KCNQ1: variants seen among roughly 807,000 people sequenced by gnomAD.
KCNQ1 encodes the protein potassium voltage-gated channel subfamily KQT member 1.
KCNQ1 carries 49 observed loss-of-function variants against 72.4 expected under a neutral mutation model. The ratio of observed to expected loss-of-function variants is 0.68; its 90% CI spans 0.54 to 0.86. KCNQ1 has a LOEUF of 0.86. Among genes scored for constraint, KCNQ1 ranks in the 40% least tolerant of loss-of-function variants. KCNQ1 has a pLI of 0.00. For missense variants in KCNQ1, 790 were observed against 945.1 expected, an observed-to-expected ratio of 0.84 and a Z score of 2.15; for synonymous variants, 450 against 412.6, an observed-to-expected ratio of 1.09 and a Z score of -1.10.
chr11:2,462,488 C>T lies in KCNQ1; in HGVS notation c.386+17004C>T, dbSNP rs1029032437. 6.6e-6 allele frequency among the ~76,000 whole-genome samples: 1 copy of T among 152,212 alleles called. No homozygotes were observed. Among genetic ancestry groups the T allele is most frequent in the Non-Finnish European group, 1.5e-5 (1 of 68,040 alleles). On this transcript the variant is annotated intron_variant, in intron 1 of 15. Coordinates refer to ENST00000155840, the MANE Select transcript of KCNQ1 (RefSeq NM_000218.3). The surrounding 1 kb of genome is among the most constrained non-coding windows in gnomAD (Gnocchi z 8.2). ...CGGGAACCACCTGTGACATTGCCAC[C>T]ACCTCGCTGTAATCTGGGCAGCAGC...
At chr11:2,655,636 A>T in intron 10 of KCNQ1, 1 of 398,728 alleles carries the variant, frequency 2.5e-6, no homozygotes, top group Non-Finnish European at 4.4e-6. Flanking sequence ...CCCTGGCCTG[A>T]AAGAGGCAGC....
intron 11 of KCNQ1, among the ~76,000 whole-genome samples, chr11:2,756,945 G>A (rs1846309066): frequency 1.3e-5 from 1 of 77,962 alleles, no homozygotes; most frequent in Admixed American, 2.2e-4. Flanking sequence ...TTGATCAAGA[G>A]CATCTTAAAA....
chr11:2,460,607 G>A (rs1156435801), intron 1 of KCNQ1, among the ~76,000 whole-genome samples: 1 of 151,846 alleles, frequency 6.6e-6, no homozygotes, highest in South Asian at 2.1e-4. Flanking sequence ...TGTCAGCCCA[G>A]CTGTAAGTGG....
Position 2,734,707 on chromosome 11 carries a change from A to G in KCNQ1, c.1515-34137A>G, listed in dbSNP as rs1845925118. On this transcript the variant is annotated intron_variant, in intron 11 of 15. Transcript: ENST00000155840. The surrounding 1 kb of genome is among the most constrained non-coding windows in gnomAD (Gnocchi z 7.0). ...CAGGCACATTCAGTGCCAGCCAGGGAGGTGAGAGGTAATCCTGGAAGCTGC... is the reference window on the plus strand; with the variant it reads ...CAGGCACATTCAGTGCCAGCCAGGGGGGTGAGAGGTAATCCTGGAAGCTGC... Among the ~76,000 whole-genome samples, 1 of 151,672 alleles carries G rather than the reference A, an allele frequency of 6.6e-6. No individual in the cohort carries two copies. Among genetic ancestry groups the G allele is most frequent in the Non-Finnish European group, 1.5e-5 (1 of 67,904 alleles).
In KCNQ1 at chr11:2,620,024, C is replaced by T. The variant is rs551484149; in HGVS notation, c.1393+31170C>T. The T allele has an allele frequency of 5.0e-6, 2 of 398,118 alleles. No individual in the cohort carries two copies. Among genetic ancestry groups the T allele is most frequent in the East Asian group, 3.6e-5 (1 of 28,028 alleles). The allele number at this position is 398,118 out of a possible 1,614,324, so 24.7% of individuals were successfully genotyped here. A position where few individuals can be genotyped will look rare whatever the true frequency, so the allele number is the denominator to read the frequency against. On this transcript the variant is annotated intron_variant, in intron 10 of 15. Coordinates refer to ENST00000155840, the MANE Select transcript of KCNQ1 (RefSeq NM_000218.3). This position sits in a 1 kb window ranked among gnomAD's most constrained non-coding sequence, Gnocchi z 4.5. ...TTTCAGCCCACCTCTCCATTCCTCC[C>T]CCAAGTAGTCCCCAGTGTCTACTGA...
intron 10 of KCNQ1, chr11:2,644,028 TTC>T: frequency 5.0e-6 from 2 of 398,570 alleles, no homozygotes; most frequent in Non-Finnish European, 8.8e-6. Flanking sequence ...GGTTTTATGA[TTC>T]TCTCTTTGTC....
chr11:2,835,308 C>A (rs1304825835), intron 15 of KCNQ1, among the ~76,000 whole-genome samples: 4 of 152,122 alleles, frequency 2.6e-5, no homozygotes, highest in Non-Finnish European at 5.9e-5. Flanking sequence ...CAAGTCTCTG[C>A]CACCTCCCTG....
chr11:2,700,331 G>A (rs1189060306), intron 11 of KCNQ1, among the ~76,000 whole-genome samples: 1 of 152,130 alleles, frequency 6.6e-6, no homozygotes, highest in Admixed American at 6.5e-5. Flanking sequence ...GCATCGCCGG[G>A]GTGAGCTGGA....
chr11:2,479,150 T>C lies in KCNQ1; in HGVS notation c.386+33666T>C, dbSNP rs1289674825. Among the ~76,000 whole-genome samples the C allele has an allele frequency of 1.3e-5, 2 of 152,190 alleles. No individual in the cohort carries two copies. Among genetic ancestry groups the C allele is most frequent in the East Asian group, 3.9e-4 (2 of 5,172 alleles). On this transcript the variant is annotated intron_variant, in intron 1 of 15. Coordinates refer to ENST00000155840, the MANE Select transcript of KCNQ1 (RefSeq NM_000218.3). This position sits in a 1 kb window ranked among gnomAD's most constrained non-coding sequence, Gnocchi z 4.6. ...CTCCCTCCTGGCTGCTTTCACAGGC[T>C]GGCATTGAGTGTCTGCAGCTTTTCC... is the stretch of plus-strand genomic sequence containing the variant.
intron 2 of KCNQ1, among the ~76,000 whole-genome samples, chr11:2,528,744 T>G (rs1209037736): frequency 6.6e-6 from 1 of 152,212 alleles, no homozygotes; most frequent in Admixed American, 6.5e-5. Context: ...AGTTCTAGTA[T>G]CTACAAAGGA....
At position 2,481,888 on chromosome 11, in the gene KCNQ1, A is replaced by G. The variant is rs1302480060; in HGVS notation, c.386+36404A>G. On this transcript the variant is annotated intron_variant, in intron 1 of 15. Coordinates refer to ENST00000155840, the MANE Select transcript of KCNQ1 (RefSeq NM_000218.3). The surrounding 1 kb of genome is among the most constrained non-coding windows in gnomAD (Gnocchi z 4.6). ...TTTAATTCTATATTACAATGTAATAATAGTAGAAATAAAGTGCCCAATGCA... is the reference window on the plus strand; with the variant it reads ...TTTAATTCTATATTACAATGTAATAGTAGTAGAAATAAAGTGCCCAATGCA... Among the ~76,000 whole-genome samples the G allele has an allele frequency of 6.6e-6, 1 of 151,428 alleles. No homozygotes were observed. Among genetic ancestry groups the G allele is most frequent in the Non-Finnish European group, 1.5e-5 (1 of 68,040 alleles).
chr11:2,790,021 G>T (rs1016843248), intron 15 of KCNQ1, among the ~76,000 whole-genome samples: 6 of 152,294 alleles, frequency 3.9e-5, no homozygotes, highest in South Asian at 2.1e-4. Flanking sequence ...GTCAGCTGCA[G>T]ATTCCAGCCC....
Position 2,663,900 on chromosome 11 carries a change from T to C in KCNQ1, c.1514+1819T>C, listed in dbSNP as rs1291087463. 2.3e-5 allele frequency: 9 copies of C among 398,718 alleles called. No homozygotes were observed. In the East Asian group the frequency reaches 3.2e-4, roughly 14 times the overall value. The allele number at this position is 398,718 out of a possible 1,614,324, so 24.7% of individuals were successfully genotyped here. On this transcript the variant is annotated intron_variant, in intron 11 of 15. Transcript: ENST00000155840. The surrounding 1 kb of genome is among the most constrained non-coding windows in gnomAD (Gnocchi z 5.2). Reference sequence around the variant, plus strand: ...AAGGGTGACCCCAAGCCAGTGTGGCTGTGTCATCTAGGACACTGGGCTGTT... The same window carrying C: ...AAGGGTGACCCCAAGCCAGTGTGGCCGTGTCATCTAGGACACTGGGCTGTT...
chr11:2,571,864 GGGA>G, intron 4 of KCNQ1, 146 bp from the exon 5 acceptor site: 1 of 672,886 alleles, frequency 1.5e-6, no homozygotes, highest in Non-Finnish European at 2.7e-6. Context: ...GGCCCCTGTC[GGGA>G]TGGACATATA....
chr11:2,751,712 C>T (rs762369831), intron 11 of KCNQ1, among the ~76,000 whole-genome samples: 5 of 152,398 alleles, frequency 3.3e-5, no homozygotes, highest in African/African-American at 4.8e-5. Flanking sequence ...ATTAAAGCAT[C>T]TGCAGATGCG....
chr11:2,697,174 G>A, intron 11 of KCNQ1: 1 of 398,568 alleles, frequency 2.5e-6, no homozygotes, highest in Non-Finnish European at 4.4e-6. Flanking sequence ...GTATAGTTCT[G>A]CTTTAAACAT....
chr11:2,797,541 C>T (rs562911421), intron 15 of KCNQ1, among the ~76,000 whole-genome samples: 1 of 152,154 alleles, frequency 6.6e-6, no homozygotes, highest in Non-Finnish European at 1.5e-5. Context: ...GGCCACCTGC[C>T]CCTGCGTACC....
Position 2,848,464 on chromosome 11 carries a change from C to T in KCNQ1, c.*461C>T, listed in dbSNP as rs748563398. On this transcript the variant is annotated 3_prime_UTR_variant, in exon 16 of 16. Transcript: ENST00000155840. ...AGGCACAGGCAGGGCAGGACCAGCC[C>T]ACGCTGACTACAGGGCCGCCGGCAA... The T allele has an allele frequency of 1.1e-5, 5 of 461,436 alleles. No homozygotes were observed. The highest frequency in any genetic ancestry group is 9.9e-5 in the African/African-American group (5 of 50,320). The allele number at this position is 461,436 out of a possible 1,614,324, so 28.6% of individuals were successfully genotyped here.
intron 1 of KCNQ1, among the ~76,000 whole-genome samples, chr11:2,511,990 G>A (rs545378642): frequency 3.9e-5 from 6 of 152,352 alleles, no homozygotes; most frequent in East Asian, 1.9e-4. Context: ...CATTTGTCTC[G>A]GGCCAGCTGG....
Sources: allele counts gnomAD v4.1 joint callset (sites outside exome capture counted in the v4.1 genomes callset), GRCh38; gene constraint gnomAD v4.1.1; non-coding constraint Gnocchi (gnomAD v3.1); transcripts MANE v1.5; gene names NCBI Gene and HGNC (gene_info 2026-07-23, HGNC 2026-07-21).